Variants in METTL15 observed in about 807,000 individuals in gnomAD.
The protein encoded by METTL15 is methyltransferase 15, mitochondrial 12S rRNA N4-cytidine, also known as 12S rRNA N(4)-cytidine methyltransferase METTL15.
Under a neutral mutation model 38.3 loss-of-function variants are expected in METTL15, and 34 were observed. The observed-to-expected ratio is 0.89, with a 90% CI of 0.68 to 1.18. The LOEUF is 1.18. Among genes scored for constraint, METTL15 ranks in the 50% most tolerant of loss-of-function variants. The pLI is 0.00. For synonymous variants in METTL15, 162 were observed against 170.9 expected, an observed-to-expected ratio of 0.95 and a Z score of 0.41; for missense variants, 438 against 498.4, an observed-to-expected ratio of 0.88 and a Z score of 1.15.
chr11:28,279,751 T>C (rs962118324), intron 4 of METTL15, among the ~76,000 whole-genome samples: 3 of 151,924 alleles, frequency 2.0e-5, no homozygotes, highest in Non-Finnish European at 4.4e-5. Context: ...ATGCAAAAAA[T>C]TAGACGGGCA....
chr11:28,395,847 A>G (rs977049815), intron 5 of METTL15, among the ~76,000 whole-genome samples: 48 of 152,204 alleles, frequency 3.2e-4, no homozygotes, highest in Non-Finnish European at 6.0e-4. Flanking sequence ...AAAATCCTCA[A>G]TAACATACTG....
At chr11:28,239,788 T>C (rs1340569804) in intron 4 of METTL15, among the ~76,000 whole-genome samples, 3 of 152,240 alleles carry the variant, frequency 2.0e-5, no homozygotes, top group Non-Finnish European at 4.4e-5. Context: ...CAGACTTTTC[T>C]ATATAAAGTA....
At chr11:28,221,756 A>G (rs1346328062) in intron 4 of METTL15, among the ~76,000 whole-genome samples, 2 of 152,010 alleles carry the variant, frequency 1.3e-5, no homozygotes, top group East Asian at 3.9e-4. Flanking sequence ...TCTGTTTGTT[A>G]GTTTTCCTTC....
At chr11:28,259,833 G>T (rs528820158) in intron 4 of METTL15, among the ~76,000 whole-genome samples, 3 of 152,256 alleles carry the variant, frequency 2.0e-5, no homozygotes, top group East Asian at 1.9e-4. Context: ...TCTTATGCAG[G>T]TGCTTTTCTT....
chr11:28,356,023 AT>A (rs1850087141), intron 4 of METTL15, among the ~76,000 whole-genome samples: 1 of 152,124 alleles, frequency 6.6e-6, no homozygotes, highest in Non-Finnish European at 1.5e-5. Context: ...GTCTCTCTAC[AT>A]GTAATTTTTT....
chr11:28,230,225 T>C (rs1394197659), intron 4 of METTL15, among the ~76,000 whole-genome samples: 1 of 151,888 alleles, frequency 6.6e-6, no homozygotes, highest in Non-Finnish European at 1.5e-5. Flanking sequence ...TTTTGACAAA[T>C]ACAAATATAA....
intron 5 of METTL15, among the ~76,000 whole-genome samples, chr11:28,417,808 A>G (rs1415679762): frequency 6.6e-5 from 10 of 152,234 alleles, no homozygotes; most frequent in Admixed American, 4.6e-4. Flanking sequence ...TCAAATGTCA[A>G]CTATCTATCT....
At chr11:28,391,859 A>G (rs577090286) in intron 5 of METTL15, among the ~76,000 whole-genome samples, 1 of 152,180 alleles carries the variant, frequency 6.6e-6, no homozygotes, top group Non-Finnish European at 1.5e-5. Flanking sequence ...AACCATAAAA[A>G]CCCTAGAAGA....
chr11:28,235,323 T>G (rs943839157), intron 4 of METTL15, among the ~76,000 whole-genome samples: 19 of 152,072 alleles, frequency 1.2e-4, no homozygotes, highest in Non-Finnish European at 2.1e-4. Context: ...TTTAAAGTAG[T>G]TTTTTCCAAT....
chr11:28,304,205 T>C (rs569337032), intron 6 of METTL15, among the ~76,000 whole-genome samples: 3 of 152,276 alleles, frequency 2.0e-5, no homozygotes, highest in East Asian at 3.9e-4. Flanking sequence ...TGATTTGTGA[T>C]AGATTGATCA....
At chr11:28,256,429 T>G (rs1374209237) in intron 4 of METTL15, among the ~76,000 whole-genome samples, 1 of 152,190 alleles carries the variant, frequency 6.6e-6, no homozygotes, top group Non-Finnish European at 1.5e-5. Flanking sequence ...GGTTCAATCT[T>G]GGTAGGTTAT....
chr11:28,115,931 C>CAT, intron 3 of METTL15, among the ~76,000 whole-genome samples: 1 of 97,882 alleles, frequency 1.0e-5, no homozygotes, highest in East Asian at 2.6e-4. Flanking sequence ...CACACACATA[C>CAT]ACATACACAC....
chr11:28,379,505 T>G (rs1356700781), intron 5 of METTL15, among the ~76,000 whole-genome samples: 1 of 152,164 alleles, frequency 6.6e-6, no homozygotes, highest in Non-Finnish European at 1.5e-5. Context: ...TTTTCATGTG[T>G]TTGTGTAGTT....
At position 28,168,467 on chromosome 11, in the gene METTL15, CT is replaced by C. The variant is rs879808263; in HGVS notation, c.271-42584del. ...CAAACAATCAGTAGTTTAAATGATG[CT>C]TTTTTTTTTTAATTATACTTTAAGT... On this transcript the variant is annotated intron_variant, in intron 3 of 6. Transcript: ENST00000407364. Among the ~76,000 whole-genome samples the C allele has an allele frequency of 3.2e-3, 456 of 143,002 alleles. 1 individual carries two copies. Among genetic ancestry groups the C allele is most frequent in the African/African-American group, 4.1e-3 (160 of 39,122 alleles). 93.8% of individuals were successfully genotyped at this position (143,002 alleles called of 152,430 possible). A position where few individuals can be genotyped will look rare whatever the true frequency, so the allele number is the denominator to read the frequency against.
intron 4 of METTL15, among the ~76,000 whole-genome samples, chr11:28,353,663 C>A (rs1258919460): frequency 1.3e-5 from 2 of 152,104 alleles, no homozygotes; most frequent in Non-Finnish European, 2.9e-5. Context: ...CGGTGGCTCA[C>A]GCCTGTAATC....
At chr11:28,425,595 G>A (rs11030328) in intron 6 of METTL15, among the ~76,000 whole-genome samples, 79,857 of 151,950 alleles carry the variant, frequency 0.53, 21,428 homozygotes, top group East Asian at 0.74. Flanking sequence ...CTTCACCTAA[G>A]CGGCCTCACC....
intron 3 of METTL15, among the ~76,000 whole-genome samples, chr11:28,153,035 A>G (rs1273534051): frequency 6.6e-6 from 1 of 152,034 alleles, no homozygotes; most frequent in East Asian, 1.9e-4. Flanking sequence ...ATGTATTATA[A>G]TTAGCATATA....
chr11:28,202,511 C>T (rs991166351), intron 3 of METTL15, among the ~76,000 whole-genome samples: 1 of 151,824 alleles, frequency 6.6e-6, no homozygotes, highest in East Asian at 1.9e-4. Context: ...GACTGGAAGG[C>T]CTATAATGTA....
intron 4 of METTL15, among the ~76,000 whole-genome samples, chr11:28,278,121 G>A (rs1855912642): frequency 6.6e-6 from 1 of 152,052 alleles, no homozygotes; most frequent in Admixed American, 6.6e-5. Context: ...CAACAACCCA[G>A]AAAAGCCCTA....
Sources: allele counts gnomAD v4.1 joint callset (sites outside exome capture counted in the v4.1 genomes callset), GRCh38; gene constraint gnomAD v4.1.1; transcripts MANE v1.5; gene names NCBI Gene and HGNC (gene_info 2026-07-23, HGNC 2026-07-21).